MICOS13: variants seen among roughly 807,000 people sequenced by gnomAD.
The protein encoded by MICOS13 is mitochondrial contact site and cristae organizing system subunit 13, also known as MICOS complex subunit MIC13.
MICOS13 carries 15 observed loss-of-function variants against 16.1 expected under a neutral mutation model. The observed-to-expected ratio is 0.93, with a 90% CI of 0.62 to 1.44. The LOEUF is 1.44. MICOS13 is among the 40% of genes most tolerant of loss of function. MICOS13 has a pLI of 0.00. For missense variants in MICOS13, 164 were observed against 155.0 expected, an observed-to-expected ratio of 1.06 and a Z score of -0.31; for synonymous variants, 61 against 62.6, an observed-to-expected ratio of 0.97 and a Z score of 0.12.
At chr19:5,679,075 T>C (rs1464422388) in intron 3 of MICOS13, 2 of 435,622 alleles carry the variant, frequency 4.6e-6, no homozygotes, top group South Asian at 5.2e-5. Flanking sequence ...CCACGCACGG[T>C]TAATTTTTGT....
chr19:5,680,262 G>A (rs756478911), intron 1 of MICOS13, 196 bp downstream of exon 1: 1 of 1,583,684 alleles, frequency 6.3e-7, no homozygotes, highest in Admixed American at 1.8e-5. Context: ...TGGGAAGCAG[G>A]AGGGAGGGGA....
chr19:5,679,649 G>A lies in MICOS13; in HGVS notation c.144C>T (p.Val48=), dbSNP rs929711103. Residue 48 remains valine, a synonymous_variant, in exon 2 of 4, where the codon GTC becomes GTT. Coordinates refer to ENST00000309324, the MANE Select transcript of MICOS13 (RefSeq NM_205767.3). ...QAALQKAGEV[V]PPAMYQFSQY... is the part of the protein sequence containing the mutation. ...GGCTGAACTGGTACATGGCGGGGGG[G>A]ACCACCTCCCCAGCCTTCTGTAGGG... 1.9e-6 allele frequency: 3 copies of A among 1,610,758 alleles called. No individual in the cohort carries two copies. Among genetic ancestry groups the A allele is most frequent in the African/African-American group, 1.3e-5 (1 of 74,818 alleles).
chr19:5,679,642 CG>C lies in MICOS13; in HGVS notation c.150del (p.Ala51ProfsTer39), dbSNP rs751944867. ...ACGTACTGGCTGAACTGGTACATGG[CG>C]GGGGGGACCACCTCCCCAGCCTTCT... is the stretch of plus-strand genomic sequence containing the variant. ...ALQKAGEVVP[P>X]AMYQFSQYVC... On this transcript the variant is annotated frameshift_variant, in exon 2 of 4. Coordinates refer to ENST00000309324, the MANE Select transcript of MICOS13 (RefSeq NM_205767.3). LOFTEE classifies it high-confidence loss of function. 2.5e-6 allele frequency: 4 copies of C among 1,610,766 alleles called. No individual in the cohort carries two copies. The highest frequency in any genetic ancestry group is 2.7e-5 in the African/African-American group (2 of 74,918).
At chr19:5,680,180 C>A in intron 1 of MICOS13, 2 of 1,537,006 alleles carry the variant, frequency 1.3e-6, no homozygotes, top group Non-Finnish European at 1.7e-6. Context: ...ACCGGCATTC[C>A]CACCTCACAG....
rs753922448 is a variant in MICOS13 at position 5,679,416 on chromosome 19, A to C, written c.208-20T>G. ...TGGGAGCTGGGAAAAAGAGATGGGC[A>C]GAAAGAACTGGTGAAAAGGCTCAGC... is the stretch of plus-strand genomic sequence containing the variant. On this transcript the variant is annotated intron_variant, in intron 2 of 3. Coordinates refer to ENST00000309324, the MANE Select transcript of MICOS13 (RefSeq NM_205767.3). The C allele has an allele frequency of 1.2e-6, 2 of 1,612,700 alleles. No homozygotes were observed. Among genetic ancestry groups the C allele is most frequent in the Admixed American group, 3.3e-5 (2 of 59,850 alleles).
chr19:5,679,889 G>A, intron 1 of MICOS13, 126 bp from the exon 2 acceptor site: 1 of 1,362,070 alleles, frequency 7.3e-7, no homozygotes, highest in Non-Finnish European at 9.9e-7. Flanking sequence ...ACTCTGTAGT[G>A]CAGCACCGTC....
chr19:5,678,748 G>T (rs2054476912), intron 3 of MICOS13, 100 bp from the exon 4 acceptor site: 2 of 634,784 alleles, frequency 3.2e-6, no homozygotes, highest in Admixed American at 3.3e-5. Context: ...GGTGGGGGGT[G>T]GGTGGGGGGC....
At chr19:5,679,797 C>T (rs749903005) in intron 1 of MICOS13, 34 bp from the exon 2 acceptor site, 58 of 1,551,762 alleles carry the variant, frequency 3.7e-5, no homozygotes, top group African/African-American at 1.2e-4. Context: ...AGAAGCTCAG[C>T]GGACACTGAC....
In MICOS13 at chr19:5,679,783, G is replaced by C. The variant is rs765031122; in HGVS notation, c.30-20C>G. Reference sequence around the variant, plus strand: ...AGGAACCTGCGGGCAGGGACGGGAGGAGCAGAAGCTCAGCGGACACTGACA... The same window carrying C: ...AGGAACCTGCGGGCAGGGACGGGAGCAGCAGAAGCTCAGCGGACACTGACA... On this transcript the variant is annotated intron_variant, in intron 1 of 3. Coordinates refer to ENST00000309324, the MANE Select transcript of MICOS13 (RefSeq NM_205767.3). 1 of 1,575,390 alleles carries C rather than the reference G, an allele frequency of 6.3e-7. No homozygotes were observed. The highest frequency in any genetic ancestry group is 1.1e-5 in the South Asian group (1 of 88,106).
chr19:5,678,632 C>A lies in MICOS13; in HGVS notation c.276G>T (p.Met92Ile). The stretch of plus-strand genomic sequence containing the variant: ...TGGAGGGGGCCACCGACAGAGCTGA[C>A]ATCACCGTCATGATGCCTGTGGGAA... The part of the protein sequence containing the change: ...DSWNAGIMTV[M>I]SALSVAPSKA... Residue 92 changes from methionine (M) to isoleucine (I), a missense_variant, in exon 4 of 4, where the codon ATG becomes ATT. Met to Ile is a conservative substitution (Grantham distance 10, BLOSUM62 1). Coordinates refer to ENST00000309324, the MANE Select transcript of MICOS13 (RefSeq NM_205767.3). 1 of 1,539,088 alleles carries A rather than the reference C, an allele frequency of 6.5e-7. No homozygotes were observed. The highest frequency in any genetic ancestry group is 8.8e-7 in the Non-Finnish European group (1 of 1,141,570).
chr19:5,679,028 C>A (rs1024638538), intron 3 of MICOS13: 1 of 382,982 alleles, frequency 2.6e-6, no homozygotes, highest in African/African-American at 2.1e-5. Flanking sequence ...CCTGCTTCAG[C>A]CTCTCAAGCA....
intron 1 of MICOS13, chr19:5,680,113 T>C: frequency 6.5e-7 from 1 of 1,535,910 alleles, no homozygotes; most frequent in Non-Finnish European, 8.7e-7. Context: ...TCCTGCCCGC[T>C]GTCACTCGCA....
chr19:5,678,517 GT>G lies in MICOS13; in HGVS notation c.*33del. The G allele has an allele frequency of 6.5e-7, 1 of 1,528,720 alleles. No homozygotes were observed. The highest frequency in any genetic ancestry group is 8.9e-7 in the Non-Finnish European group (1 of 1,129,432). 94.7% of individuals were successfully genotyped at this position (1,528,720 alleles called of 1,614,324 possible). ...CTTCAGGTCAGTGGCAGCCCTGCCC[GT>G]TCTGGCCGGGGCAGGCGGCCCCTGC... is the stretch of plus-strand genomic sequence containing the variant. On this transcript the variant is annotated 3_prime_UTR_variant, in exon 4 of 4. Transcript: ENST00000309324.
At chr19:5,678,693 C>T (rs1333774737) in intron 3 of MICOS13, 45 bp from the exon 4 acceptor site, 2 of 1,420,694 alleles carry the variant, frequency 1.4e-6, no homozygotes, top group South Asian at 2.8e-5. Context: ...CTCCCAGCCT[C>T]ACCCAGCCTC....
chr19:5,680,021 G>A (rs79416406), intron 1 of MICOS13: 1 of 1,503,224 alleles, frequency 6.7e-7, no homozygotes, highest in Non-Finnish European at 8.8e-7. Context: ...AAGTCCCACA[G>A]TGAGCAGGGG....
intron 3 of MICOS13, 78 bp downstream of exon 3, chr19:5,679,267 A>G: frequency 1.4e-6 from 2 of 1,434,322 alleles, no homozygotes; most frequent in African/African-American, 1.4e-5. Flanking sequence ...GAGGATGGAC[A>G]GAAAGGAATG....
At chr19:5,679,953 G>A in intron 1 of MICOS13, 190 bp from the exon 2 acceptor site, 2 of 1,402,974 alleles carry the variant, frequency 1.4e-6, no homozygotes, top group Non-Finnish European at 1.9e-6. Context: ...AAGGCAGGGC[G>A]GCTGGACGCC....
rs2054496592 is a variant in MICOS13 at position 5,679,683 on chromosome 19, C to CTCT, written c.107_109dup (p.Lys36dup). On this transcript the variant is annotated inframe_insertion, in exon 2 of 4. Coordinates refer to ENST00000309324, the MANE Select transcript of MICOS13 (RefSeq NM_205767.3). ...CCCAGCCTTCTGTAGGGCTGCCTGG[C>CTCT]TCTTGTCGCTGGGCCCCAGCAGCTC... 6 of 1,610,310 alleles carry CTCT rather than the reference C, an allele frequency of 3.7e-6. No homozygotes were observed. The highest frequency in any genetic ancestry group is 5.1e-6 in the Non-Finnish European group (6 of 1,179,242).
In MICOS13 at chr19:5,679,649, GA is replaced by G; in HGVS notation, c.143del (p.Val48AlafsTer42). ...QAALQKAGEV[V>X]PPAMYQFSQY... ...GGCTGAACTGGTACATGGCGGGGGG[GA>G]CCACCTCCCCAGCCTTCTGTAGGGC... On this transcript the variant is annotated frameshift_variant, in exon 2 of 4. Coordinates refer to ENST00000309324, the MANE Select transcript of MICOS13 (RefSeq NM_205767.3). LOFTEE classifies it high-confidence loss of function. The G allele has an allele frequency of 1.2e-6, 2 of 1,610,876 alleles. No individual in the cohort carries two copies. Among genetic ancestry groups the G allele is most frequent in the Non-Finnish European group, 1.7e-6 (2 of 1,179,272 alleles).
Sources: gnomAD v4.1 joint callset for allele counts on GRCh38, gnomAD v4.1.1 for gene constraint, MANE v1.5 for transcripts, NCBI Gene and HGNC (gene_info 2026-07-23, HGNC 2026-07-21) for gene names.